PLAC9: variants seen among roughly 807,000 people sequenced by gnomAD.
The protein encoded by PLAC9 is placenta-specific protein 9.
PLAC9 carries 12 observed loss-of-function variants against 11.5 expected under a neutral mutation model. The ratio of observed to expected loss-of-function variants is 1.05; its 90% CI spans 0.67 to 1.69. The LOEUF is 1.69. PLAC9 is among the 40% of genes most tolerant of loss of function. The pLI is 0.00. For synonymous variants in PLAC9, 62 were observed against 58.1 expected, an observed-to-expected ratio of 1.07 and a Z score of -0.31; for missense variants, 132 against 130.5, an observed-to-expected ratio of 1.01 and a Z score of -0.06.
upstream of PLAC9, chr10:80,132,605 G>T (rs1001509352): frequency 2.9e-5 from 15 of 514,492 alleles, no homozygotes; most frequent in African/African-American, 2.8e-4. Context: ...GGGTGCCGAG[G>T]GGCCTCTGGA....
intron 1 of PLAC9, among the ~76,000 whole-genome samples, chr10:80,138,837 A>G (rs1845006957): frequency 6.6e-6 from 1 of 152,154 alleles, no homozygotes; most frequent in South Asian, 2.1e-4. Flanking sequence ...ACGTAGAGAG[A>G]TCAAGTTCCA....
chr10:80,136,603 C>T (rs1383639535), intron 1 of PLAC9, among the ~76,000 whole-genome samples: 2 of 152,146 alleles, frequency 1.3e-5, no homozygotes, highest in Non-Finnish European at 2.9e-5. Flanking sequence ...TTCCAAATAC[C>T]TGAGACTACA....
intron 2 of PLAC9, among the ~76,000 whole-genome samples, chr10:80,143,771 A>G (rs1372907747): frequency 6.6e-6 from 1 of 152,194 alleles, no homozygotes; most frequent in Non-Finnish European, 1.5e-5. Context: ...CATTTAAGGC[A>G]TTATTCTGAG....
chr10:80,133,761 G>A (rs1282703655), intron 1 of PLAC9, among the ~76,000 whole-genome samples: 1 of 152,056 alleles, frequency 6.6e-6, no homozygotes, highest in African/African-American at 2.4e-5. Context: ...TCGCTAACAT[G>A]GTGAAATGCT....
At chr10:80,135,210 C>A (rs548302986) in intron 1 of PLAC9, among the ~76,000 whole-genome samples, 1 of 151,316 alleles carries the variant, frequency 6.6e-6, no homozygotes, top group African/African-American at 2.4e-5. Flanking sequence ...TTTTAGTAGA[C>A]ATGAGGTTTC....
In PLAC9 at chr10:80,142,146, G is replaced by C; in HGVS notation, c.129G>C (p.Met43Ile). ...AGAGCACAGCGTGTGACAGACACAT[G>C]GCTGTGCAACGCCGTCTAGATGTCA... Reference protein sequence around the residue: ...SAQSTACDRHMAVQRRLDVME... With the variant: ...SAQSTACDRHIAVQRRLDVME... Residue 43 changes from methionine (M) to isoleucine (I), a missense_variant, in exon 2 of 4, where the codon ATG (methionine) becomes ATC (isoleucine). Transcript: ENST00000372263. 1 of 1,610,636 alleles carries C rather than the reference G, an allele frequency of 6.2e-7. No individual in the cohort carries two copies. The highest frequency in any genetic ancestry group is 8.5e-7 in the Non-Finnish European group (1 of 1,177,278).
chr10:80,135,463 T>C (rs1844965047), intron 1 of PLAC9, among the ~76,000 whole-genome samples: 2 of 151,492 alleles, frequency 1.3e-5, no homozygotes, highest in Non-Finnish European at 2.9e-5. Context: ...GTAGCTGGGA[T>C]TACAGGTGTG....
In PLAC9 at chr10:80,137,350, C is replaced by T. The variant is rs147051234; in HGVS notation, c.64+4524C>T. ...CTGACTTCCAAAGCAGCCAGACTCCCATTTGGCTGGCAGGGTCACACTGCA... is the reference window on the plus strand; with the variant it reads ...CTGACTTCCAAAGCAGCCAGACTCCTATTTGGCTGGCAGGGTCACACTGCA... On this transcript the variant is annotated intron_variant, in intron 1 of 3. Coordinates refer to ENST00000372263, the MANE Select transcript of PLAC9 (RefSeq NM_001012973.3). Among the ~76,000 whole-genome samples, 1,291 of 152,302 alleles carry T rather than the reference C, an allele frequency of 8.5e-3. 22 individuals carry two copies. The highest frequency in any genetic ancestry group is 0.03 in the African/African-American group (1,228 of 41,578).
At position 80,144,325 on chromosome 10, in the gene PLAC9, G is replaced by C. The variant is rs748513595; in HGVS notation, c.265G>C (p.Ala89Pro). 1 of 1,607,946 alleles carries C rather than the reference G, an allele frequency of 6.2e-7. No homozygotes were observed. Among genetic ancestry groups the C allele is most frequent in the Admixed American group, 1.7e-5 (1 of 59,736 alleles). The change falls in exon 3 of 4, where the codon GCT (alanine) becomes CCT (proline). Residue 89 changes from alanine to proline, a missense_variant. Ala to Pro is a conservative substitution (Grantham distance 27). Transcript: ENST00000372263. The stretch of plus-strand genomic sequence containing the variant: ...CCTGCCCCCGGGACCCTTCAGCCCC[G>C]CTCCCGACCTTCTCGGAGGTGAGCA... Reference protein sequence around the residue: ...WNLPPGPFSPAPDLLGDGF With the variant: ...WNLPPGPFSPPPDLLGDGF
upstream of PLAC9, among the ~76,000 whole-genome samples, chr10:80,132,149 G>T (rs551156590): frequency 1.3e-5 from 2 of 150,868 alleles, no homozygotes; most frequent in Non-Finnish European, 2.9e-5. Context: ...CGAGAGTTAC[G>T]ATTTTACCTT....
chr10:80,143,005 G>C (rs1845058387), intron 2 of PLAC9, among the ~76,000 whole-genome samples: 1 of 152,070 alleles, frequency 6.6e-6, no homozygotes, highest in African/African-American at 2.4e-5. Flanking sequence ...TTACAGGCAT[G>C]AGCCACTGTG....
At chr10:80,141,302 AAAAT>A (rs1451633287) in intron 1 of PLAC9, among the ~76,000 whole-genome samples, 5 of 152,140 alleles carry the variant, frequency 3.3e-5, no homozygotes, top group Non-Finnish European at 5.9e-5. Flanking sequence ...CTTTTCTGTT[AAAAT>A]AACCCCCCTT....
chr10:80,138,162 C>T (rs754785526), intron 1 of PLAC9, among the ~76,000 whole-genome samples: 1 of 152,194 alleles, frequency 6.6e-6, no homozygotes, highest in Non-Finnish European at 1.5e-5. Flanking sequence ...GACAGAATCG[C>T]TGAATGCACC....
At chr10:80,136,483 T>G (rs975535262) in intron 1 of PLAC9, among the ~76,000 whole-genome samples, 2 of 152,106 alleles carry the variant, frequency 1.3e-5, no homozygotes, top group African/African-American at 4.8e-5. Flanking sequence ...TTTATTTATT[T>G]TCTTACAAGA....
At chr10:80,141,259 C>T (rs1845037188) in intron 1 of PLAC9, among the ~76,000 whole-genome samples, 1 of 152,132 alleles carries the variant, frequency 6.6e-6, no homozygotes, top group African/African-American at 2.4e-5. Context: ...AATCTATTCC[C>T]TATATTTAAA....
chr10:80,142,792 C>T (rs1403745508), intron 2 of PLAC9, among the ~76,000 whole-genome samples: 3 of 152,006 alleles, frequency 2.0e-5, no homozygotes, highest in African/African-American at 7.3e-5. Flanking sequence ...AGTCTCGGCT[C>T]ACTGCAACTT....
At position 80,137,730 on chromosome 10, in the gene PLAC9, C is replaced by T. The variant is rs987342388; in HGVS notation, c.65-4352C>T. ...AGGGGTTTGAGCTTAGCCTGGGCAA[C>T]GTAGTGAAATCCTATCTCTACAAAA... On this transcript the variant is annotated intron_variant, in intron 1 of 3. Coordinates refer to ENST00000372263, the MANE Select transcript of PLAC9 (RefSeq NM_001012973.3). 4.6e-5 allele frequency among the ~76,000 whole-genome samples: 7 copies of T among 152,184 alleles called. No individual in the cohort carries two copies. The East Asian group carries it at 9.7e-4, about 21-fold the overall frequency.
At chr10:80,135,275 G>A (rs11201833) in intron 1 of PLAC9, among the ~76,000 whole-genome samples, 69,500 of 146,816 alleles carry the variant, frequency 0.47, 17,028 homozygotes, top group Non-Finnish European at 0.52. Flanking sequence ...GCCCGCCTCG[G>A]CCTCCCAAAG....
chr10:80,141,624 A>T (rs1374971451), intron 1 of PLAC9, among the ~76,000 whole-genome samples: 1 of 151,934 alleles, frequency 6.6e-6, no homozygotes, highest in East Asian at 1.9e-4. Flanking sequence ...ACACACAAAA[A>T]AACAAACAAG....
Sources: gnomAD v4.1 joint callset for allele counts (sites outside exome capture counted in the v4.1 genomes callset) on GRCh38, gnomAD v4.1.1 for gene constraint, MANE v1.5 for transcripts, NCBI Gene and HGNC (gene_info 2026-07-23, HGNC 2026-07-21) for gene names.